Variants in WDR47 observed in about 807,000 individuals in gnomAD.
WDR47 encodes the protein WD repeat-containing protein 47.
A neutral mutation model predicts 97.2 loss-of-function variants in WDR47; 32 were observed. The observed-to-expected ratio is 0.33, with a 90% CI of 0.25 to 0.44. WDR47 has a LOEUF of 0.44. WDR47 is among the 20% of genes least tolerant of loss of function. The pLI is 1.00. For synonymous variants in WDR47, 375 were observed against 373.5 expected (o/e 1.00, Z -0.05); for missense variants, 782 against 1,102.3 (o/e 0.71, Z 4.11).
intron 5 of WDR47, among the ~76,000 whole-genome samples, chr1:109,007,558 A>G (rs1170764985): frequency 1.3e-5 from 2 of 152,198 alleles, no homozygotes; most frequent in Admixed American, 1.3e-4. Flanking sequence ...TAACTCTCTC[A>G]CAGCATTTCA....
chr1:108,995,229 A>C (rs188789557), intron 8 of WDR47, among the ~76,000 whole-genome samples: 14 of 152,332 alleles, frequency 9.2e-5, no homozygotes, highest in Admixed American at 9.2e-4. Flanking sequence ...CTATGCCCTG[A>C]AAGTCTGAAT....
At chr1:108,986,900 A>C (rs1658872746) in intron 9 of WDR47, 2 of 385,562 alleles carry the variant, frequency 5.2e-6, no homozygotes, top group Admixed American at 4.1e-5. Context: ...GGCTACAGTG[A>C]AGAAATCTTA....
chr1:108,995,871 A>G, intron 7 of WDR47, 34 bp from the exon 8 acceptor site: 2 of 1,595,928 alleles, frequency 1.3e-6, no homozygotes, highest in Non-Finnish European at 1.7e-6. Context: ...ATTTTAAAAT[A>G]AAAACTTAAT....
In WDR47 at chr1:109,011,297, T is replaced by C. The variant is rs1571214630; in HGVS notation, c.749A>G (p.Asn250Ser). 6.2e-7 allele frequency: 1 copy of C among 1,614,178 alleles called. No homozygotes were observed. The highest frequency in any genetic ancestry group is 8.5e-7 in the Non-Finnish European group (1 of 1,180,042). Residue 250 changes from asparagine to serine, a missense_variant, in exon 5 of 15, where the codon AAT becomes AGT. Asn to Ser is a conservative substitution (Grantham distance 46). Around this residue, in one of 3 missense-constraint regions of WDR47, gnomAD observed 428 missense variants for 584.3 expected, o/e 0.73. Transcript: ENST00000369962. ...LDLSLLSWLQNLPSSVFSCAF... is the reference protein window; with the variant it reads ...LDLSLLSWLQSLPSSVFSCAF... ...ACAAGAGAAGACAGAAGATGGAAGA[T>C]TCTGAAGCCATGACAGTAAACTCAG...
intron 6 of WDR47, among the ~76,000 whole-genome samples, chr1:109,004,371 T>C (rs768936311): frequency 5.3e-5 from 8 of 152,162 alleles, no homozygotes; most frequent in African/African-American, 1.9e-4. Flanking sequence ...TTTAGATTGC[T>C]AGTAAATTCA....
At chr1:108,997,938 T>C (rs1659887782) in intron 7 of WDR47, among the ~76,000 whole-genome samples, 2 of 152,078 alleles carry the variant, frequency 1.3e-5, no homozygotes, top group Non-Finnish European at 1.5e-5. Context: ...GCTTATGGTA[T>C]TTTTTAATTT....
intron 9 of WDR47, among the ~76,000 whole-genome samples, chr1:108,990,468 CAAAGTGCTGGG>C (rs1193742155): frequency 6.6e-6 from 1 of 152,154 alleles, no homozygotes; most frequent in African/African-American, 2.4e-5. Context: ...CTCAGCCTCC[CAAAGTGCTGGG>C]ATTACAGGTG....
At chr1:108,977,699 A>G (rs1370026439) in intron 13 of WDR47, among the ~76,000 whole-genome samples, 2 of 152,196 alleles carry the variant, frequency 1.3e-5, no homozygotes, top group African/African-American at 2.4e-5. Flanking sequence ...TAAAAATACA[A>G]AAATGAGCTG....
intron 9 of WDR47, among the ~76,000 whole-genome samples, chr1:108,988,893 G>C (rs953817319): frequency 2.6e-5 from 4 of 152,052 alleles, no homozygotes; most frequent in Middle Eastern, 3.4e-3. Context: ...AAGTAGCTGG[G>C]ATTATAGGCA....
At chr1:108,990,627 T>A (rs557939786) in intron 9 of WDR47, among the ~76,000 whole-genome samples, 1 of 152,204 alleles carries the variant, frequency 6.6e-6, no homozygotes, top group Non-Finnish European at 1.5e-5. Context: ...ATTTATGTTA[T>A]CTATTTCATC....
intron 7 of WDR47, among the ~76,000 whole-genome samples, chr1:108,998,107 T>C (rs1016313556): frequency 1.9e-4 from 29 of 152,308 alleles, no homozygotes; most frequent in African/African-American, 7.0e-4. Flanking sequence ...CTGTGAAACA[T>C]ATTTCTTGTG....
rs1297550435 is a variant in WDR47, at chr1:109,030,987, C to T, written c.-9-7466G>A. Among the ~76,000 whole-genome samples the T allele has an allele frequency of 1.4e-4, 19 of 139,454 alleles. 2 individuals are homozygous for T. The highest frequency in any genetic ancestry group is 3.9e-4 in the African/African-American group (15 of 38,870). 91.5% of individuals were successfully genotyped at this position (139,454 alleles called of 152,430 possible). On this transcript the variant is annotated intron_variant, in intron 1 of 14. Coordinates refer to ENST00000369962, the MANE Select transcript of WDR47 (RefSeq NM_001142551.2). ...ATTTCCCTTCAAGTTTTATAATTTGCTTTAACTTACATTTCAATATCAGAA... is the reference window on the plus strand; with the variant it reads ...ATTTCCCTTCAAGTTTTATAATTTGTTTTAACTTACATTTCAATATCAGAA...
At chr1:108,979,218 G>C (rs1179541506) in intron 13 of WDR47, among the ~76,000 whole-genome samples, 1 of 152,036 alleles carries the variant, frequency 6.6e-6, no homozygotes, top group Non-Finnish European at 1.5e-5. Context: ...TAAGTGTATA[G>C]AAACTACACA....
chr1:109,015,298 A>G (rs754221950), intron 3 of WDR47, among the ~76,000 whole-genome samples: 10 of 152,302 alleles, frequency 6.6e-5, no homozygotes, highest in Admixed American at 4.6e-4. Flanking sequence ...AAATACCAAA[A>G]AAAGGTGATT....
intron 14 of WDR47, among the ~76,000 whole-genome samples, chr1:108,973,631 A>G (rs960616004): frequency 7.2e-5 from 11 of 152,178 alleles, no homozygotes; most frequent in African/African-American, 2.7e-4. Flanking sequence ...TGTTGATTTT[A>G]AAAAATATCT....
intron 8 of WDR47, among the ~76,000 whole-genome samples, chr1:108,993,805 AG>A (rs1659548547): frequency 6.7e-6 from 1 of 149,658 alleles, no homozygotes; most frequent in East Asian, 2.2e-4. Context: ...AAGCACTTAC[AG>A]ATAGTTTAGT....
At chr1:108,987,068 C>T (rs1307639810) in intron 9 of WDR47, 81 of 186,114 alleles carry the variant, frequency 4.4e-4, no homozygotes. Context: ...TCAGAGGAAA[C>T]ATTGTTTGCA....
Position 108,991,287 on chromosome 1 carries a change from A to G in WDR47, c.1734T>C (p.Ser578=). The G allele has an allele frequency of 6.2e-7, 1 of 1,612,994 alleles. No individual in the cohort carries two copies. Among genetic ancestry groups the G allele is most frequent in the East Asian group, 2.2e-5 (1 of 44,864 alleles). Reference sequence around the variant, plus strand: ...CTTTCGACCTTGAAAGACTCCCTGGAGAATCTCCAAGAGGTGGCTTAATGA... The same window carrying G: ...CTTTCGACCTTGAAAGACTCCCTGGGGAATCTCCAAGAGGTGGCTTAATGA... The part of the protein sequence containing the change: ...HSVIKPPLGD[S]PGSLSRSKGE... Residue 578 remains serine, a synonymous_variant, in exon 9 of 15, where the codon TCT becomes TCC. Transcript: ENST00000369962.
chr1:109,041,065 G>A (rs940887346), intron 1 of WDR47, among the ~76,000 whole-genome samples: 7 of 151,000 alleles, frequency 4.6e-5, no homozygotes, highest in African/African-American at 1.7e-4. Flanking sequence ...TGCACGTCTG[G>A]GTACAGAGAA....
Sources: gnomAD v4.1 joint callset for allele counts (sites outside exome capture counted in the v4.1 genomes callset) on GRCh38, gnomAD v4.1.1 for gene constraint, gnomAD v4.1.1 regional missense constraint, MANE v1.5 for transcripts, NCBI Gene and HGNC (gene_info 2026-07-23, HGNC 2026-07-21) for gene names.